GLIS3: variants seen among roughly 807,000 people sequenced by gnomAD.
GLIS3 encodes zinc finger protein GLIS3.
A neutral mutation model predicts 78.6 loss-of-function variants in GLIS3; 53 were observed. The observed-to-expected ratio is 0.67, with a 90% confidence interval of 0.54 to 0.85. The LOEUF is 0.85. GLIS3 is among the 40% of genes least tolerant of loss of function. The probability of loss-of-function intolerance (pLI) is 0.00; values close to 1 mark genes in which losing one functional copy is unlikely to be tolerated. For synonymous variants in GLIS3, 684 were observed against 509.9 expected, an observed-to-expected ratio of 1.34 and a Z score of -4.60; for missense variants, 1,703 against 1,231.1, an observed-to-expected ratio of 1.38 and a Z score of -5.74.
In GLIS3 at chr9:4,084,295, A is replaced by AC. The variant is rs777071830; in HGVS notation, c.1710+33472_1710+33473insG. On this transcript the variant is annotated intron_variant, in intron 4 of 10. Transcript: ENST00000381971. ...CACACACACACACACACACACACAC[A>AC]AATTCCTAGCCTCCCCTTAAACTTA... Among the ~76,000 whole-genome samples, 797 of 87,606 alleles carry AC rather than the reference A, an allele frequency of 9.1e-3. 5 individuals carry two copies. Among genetic ancestry groups the AC allele is most frequent in the Non-Finnish European group, 0.016 (578 of 36,220 alleles). 57.5% of individuals were successfully genotyped at this position (87,606 alleles called of 152,430 possible).
chr9:4,224,742 T>A (rs1015533256), intron 2 of GLIS3, among the ~76,000 whole-genome samples: 2 of 151,410 alleles, frequency 1.3e-5, no homozygotes, highest in African/African-American at 4.8e-5. Context: ...TTTATTTCTA[T>A]CTTTGAAAGC....
chr9:4,086,567 CA>C (rs1246094539), intron 4 of GLIS3, among the ~76,000 whole-genome samples: 1 of 152,188 alleles, frequency 6.6e-6, no homozygotes, highest in Non-Finnish European at 1.5e-5. Flanking sequence ...AACAATCAGT[CA>C]GACACAGGAA....
the GLIS3 span, among the ~76,000 whole-genome samples, chr9:4,404,845 GAAGAA>G: frequency 3.3e-5 from 5 of 151,996 alleles, no homozygotes; most frequent in South Asian, 2.1e-4. Flanking sequence ...AAAATTAGTA[GAAGAA>G]AAGAAATAAT....
intron 4 of GLIS3, among the ~76,000 whole-genome samples, chr9:3,937,456 C>T (rs1315457165): frequency 2.6e-5 from 4 of 152,238 alleles, no homozygotes; most frequent in South Asian, 2.1e-4. Flanking sequence ...GAAAATTCAC[C>T]GTGAGCCATC....
At chr9:4,180,739 T>C (rs764372092) in intron 2 of GLIS3, among the ~76,000 whole-genome samples, 3 of 152,208 alleles carry the variant, frequency 2.0e-5, no homozygotes, top group Non-Finnish European at 1.5e-5. Flanking sequence ...ATGTAAGAGT[T>C]ATAAATTGGA....
chr9:4,391,188 A>T, the GLIS3 span, among the ~76,000 whole-genome samples: 2 of 152,072 alleles, frequency 1.3e-5, no homozygotes, highest in Admixed American at 6.6e-5. Context: ...GCTTCCTCTG[A>T]TCCCCCTTTC....
intron 2 of GLIS3, among the ~76,000 whole-genome samples, chr9:4,162,955 G>A (rs935730438): frequency 2.0e-5 from 3 of 149,624 alleles, no homozygotes; most frequent in Admixed American, 6.6e-5. Flanking sequence ...CTTTTTAACT[G>A]AACTAATCTC....
the GLIS3 span, among the ~76,000 whole-genome samples, chr9:4,363,847 T>C: frequency 1.3e-5 from 2 of 152,258 alleles, no homozygotes; most frequent in African/African-American, 2.4e-5. Context: ...GCTGGATGGC[T>C]GTTGAAGTTA....
chr9:4,127,245 A>C (rs148082579), intron 2 of GLIS3, among the ~76,000 whole-genome samples: 95 of 152,334 alleles, frequency 6.2e-4, no homozygotes, highest in African/African-American at 2.2e-3. Flanking sequence ...ACAGGGATTT[A>C]AAGGGAGAAC....
chr9:4,232,382 T>TAAAAAAAAA (rs56725850), intron 2 of GLIS3, among the ~76,000 whole-genome samples: 1 of 101,650 alleles, frequency 9.8e-6, no homozygotes, highest in Non-Finnish European at 2.0e-5. Flanking sequence ...CCTTGTCTCT[T>TAAAAAAAAA]AAAAAAAAAA....
At chr9:4,411,504 C>T in the GLIS3 span, among the ~76,000 whole-genome samples, 1 of 152,284 alleles carries the variant, frequency 6.6e-6, no homozygotes, top group Admixed American at 6.5e-5. Flanking sequence ...AACTAGTAAT[C>T]CCTCAGAATT....
intron 9 of GLIS3, among the ~76,000 whole-genome samples, chr9:3,850,319 CT>C (rs1036798654): frequency 2.0e-5 from 3 of 152,204 alleles, no homozygotes; most frequent in Admixed American, 6.5e-5. Flanking sequence ...AGGGAGCCCC[CT>C]GGGACTGTGC....
chr9:3,873,192 C>T (rs904978788), intron 8 of GLIS3, among the ~76,000 whole-genome samples: 16 of 152,112 alleles, frequency 1.1e-4, no homozygotes, highest in African/African-American at 3.9e-4. Flanking sequence ...GAAACTATTC[C>T]AAAAAATTGA....
chr9:4,426,135 C>G, the GLIS3 span, among the ~76,000 whole-genome samples: 1 of 152,172 alleles, frequency 6.6e-6, no homozygotes, highest in South Asian at 2.1e-4. Flanking sequence ...GTTAAGAAGC[C>G]TTGCCTTTGA....
the GLIS3 span, among the ~76,000 whole-genome samples, chr9:4,388,358 G>T: frequency 6.6e-6 from 1 of 152,028 alleles, no homozygotes; most frequent in Admixed American, 6.6e-5. Context: ...TCCATGGTTA[G>T]CTTTACCTCC....
intron 2 of GLIS3, among the ~76,000 whole-genome samples, chr9:4,258,677 C>A (rs1434124866): frequency 6.6e-6 from 1 of 152,146 alleles, no homozygotes; most frequent in Non-Finnish European, 1.5e-5. Context: ...ACCTCAGAAA[C>A]ATCAGTTAGT....
At chr9:4,088,875 T>C (rs1829261398) in intron 4 of GLIS3, among the ~76,000 whole-genome samples, 1 of 152,238 alleles carries the variant, frequency 6.6e-6, no homozygotes, top group Non-Finnish European at 1.5e-5. Flanking sequence ...AAATCCTACA[T>C]GGCAGGATGC....
At chr9:4,353,993 A>ATTTTTTTTTTTTT in the GLIS3 span, among the ~76,000 whole-genome samples, 7 of 135,754 alleles carry the variant, frequency 5.2e-5, no homozygotes, top group Non-Finnish European at 7.9e-5. Context: ...ACACCCGGCT[A>ATTTTTTTTTTTTT]TTTTTTTTTT....
chr9:4,317,610 G>A (rs1402668301), intron 2 of GLIS3, among the ~76,000 whole-genome samples: 1 of 152,178 alleles, frequency 6.6e-6, no homozygotes, highest in Non-Finnish European at 1.5e-5. Context: ...CCTTTTATAT[G>A]ATACCTATTT....
Sources: gnomAD v4.1 joint callset for allele counts (sites outside exome capture counted in the v4.1 genomes callset) on GRCh38, gnomAD v4.1.1 for gene constraint, MANE v1.5 for transcripts, NCBI Gene and HGNC (gene_info 2026-07-23, HGNC 2026-07-21) for gene names.